The following VAV3 variants were observed in gnomAD, a reference collection of about 807,000 sequenced individuals.
VAV3 encodes guanine nucleotide exchange factor VAV3.
In VAV3, 94 loss-of-function variants were observed where a neutral mutation model predicts 131.2. That is an observed-to-expected ratio of 0.72 (90% CI 0.61 to 0.85). The LOEUF (loss-of-function observed/expected upper bound fraction) is 0.85, where lower values mean the gene tolerates loss of function less well. Ranked by LOEUF, VAV3 falls within the 40% of genes least tolerant of loss-of-function variation. The probability of loss-of-function intolerance (pLI) is 0.00; values close to 1 mark genes in which losing one functional copy is unlikely to be tolerated. For synonymous variants in VAV3, 349 were observed against 342.0 expected, an observed-to-expected ratio of 1.02 and a Z score of -0.22; for missense variants, 939 against 1,002.7, an observed-to-expected ratio of 0.94 and a Z score of 0.86.
chr1:107,671,919 A>G lies in VAV3; in HGVS notation c.1777+11569T>C, dbSNP rs1031821134. Among the ~76,000 whole-genome samples, 3 of 152,376 alleles carry G rather than the reference A, an allele frequency of 2.0e-5. No individual in the cohort carries two copies. The East Asian group carries it at 5.8e-4, about 29-fold the overall frequency. Reference sequence around the variant, plus strand: ...AATTTTAGCAAGCTATGTGTATAATAAAGCACAAAACAAAAAGTACACAAT... The same window carrying G: ...AATTTTAGCAAGCTATGTGTATAATGAAGCACAAAACAAAAAGTACACAAT... On this transcript the variant is annotated intron_variant, in intron 19 of 26. Coordinates refer to ENST00000370056, the MANE Select transcript of VAV3 (RefSeq NM_006113.5).
At chr1:107,612,305 C>G (rs1234095562) in intron 21 of VAV3, among the ~76,000 whole-genome samples, 1 of 151,884 alleles carries the variant, frequency 6.6e-6, no homozygotes, top group Non-Finnish European at 1.5e-5. Flanking sequence ...AATAAACTAT[C>G]ACGATTTCAT....
chr1:107,610,963 A>C (rs1557701811), intron 21 of VAV3, among the ~76,000 whole-genome samples: 1 of 152,150 alleles, frequency 6.6e-6, no homozygotes. Context: ...CAATGTGAAC[A>C]TGTCTCTAGC....
chr1:107,766,568 T>A lies in VAV3; in HGVS notation c.718-18A>T. The A allele has an allele frequency of 6.3e-7, 1 of 1,599,420 alleles. No individual in the cohort carries two copies. The highest frequency in any genetic ancestry group is 8.6e-7 in the Non-Finnish European group (1 of 1,168,818). ...ACAAGTTCCTAAGAAAAGAAAACAATGTGAAAGGAAAGTAGGAATAACAAC... is the reference window on the plus strand; with the variant it reads ...ACAAGTTCCTAAGAAAAGAAAACAAAGTGAAAGGAAAGTAGGAATAACAAC... On this transcript the variant is annotated intron_variant, in intron 7 of 26. Coordinates refer to ENST00000370056, the MANE Select transcript of VAV3 (RefSeq NM_006113.5).
intron 19 of VAV3, among the ~76,000 whole-genome samples, chr1:107,657,860 T>C (rs1046502402): frequency 2.0e-5 from 3 of 152,246 alleles, no homozygotes; most frequent in Non-Finnish European, 4.4e-5. Flanking sequence ...AAAAATGTTA[T>C]GTTCAACAAC....
intron 19 of VAV3, among the ~76,000 whole-genome samples, chr1:107,660,261 T>C (rs1656911159): frequency 1.3e-5 from 2 of 152,220 alleles, no homozygotes; most frequent in South Asian, 2.1e-4. Context: ...CGAGTACCAG[T>C]GGCAACAGTG....
At chr1:107,771,139 T>G (rs1665018663) in intron 5 of VAV3, among the ~76,000 whole-genome samples, 1 of 152,210 alleles carries the variant, frequency 6.6e-6, no homozygotes, top group African/African-American at 2.4e-5. Flanking sequence ...CATTAACATC[T>G]TACTGCTTGA....
intron 12 of VAV3, among the ~76,000 whole-genome samples, chr1:107,752,831 A>AC (rs1663820726): frequency 6.6e-6 from 1 of 152,146 alleles, no homozygotes; most frequent in South Asian, 2.1e-4. Context: ...AAAAACTGAA[A>AC]CCCTTGTGCA....
intron 18 of VAV3, among the ~76,000 whole-genome samples, chr1:107,688,003 T>C (rs952663232): frequency 6.6e-6 from 1 of 152,158 alleles, no homozygotes; most frequent in Non-Finnish European, 1.5e-5. Flanking sequence ...ACGTTAGAAT[T>C]TGCACTAATT....
chr1:107,831,062 G>C (rs1344025014), intron 2 of VAV3, among the ~76,000 whole-genome samples: 1 of 152,108 alleles, frequency 6.6e-6, no homozygotes, highest in East Asian at 1.9e-4. Flanking sequence ...CTTGGGACCA[G>C]AAGTGTTTTA....
chr1:107,714,186 G>A (rs918420729), intron 15 of VAV3, among the ~76,000 whole-genome samples: 1 of 152,036 alleles, frequency 6.6e-6, no homozygotes, highest in Non-Finnish European at 1.5e-5. Context: ...TGATGGACAG[G>A]AATCACTCTC....
chr1:107,811,126 T>C (rs550682084), intron 2 of VAV3, among the ~76,000 whole-genome samples: 22 of 152,260 alleles, frequency 1.4e-4, no homozygotes, highest in Middle Eastern at 6.8e-3. Flanking sequence ...ACAGAGAAGA[T>C]GAAAGAAATA....
At position 107,932,358 on chromosome 1, in the gene VAV3, C is replaced by G. The variant is rs561916192; in HGVS notation, c.204+32308G>C. Among the ~76,000 whole-genome samples the G allele has an allele frequency of 5.9e-5, 9 of 152,272 alleles. No homozygotes were observed. In the East Asian group the frequency reaches 1.7e-3, roughly 29 times the overall value. On this transcript the variant is annotated intron_variant, in intron 1 of 26. Coordinates refer to ENST00000370056, the MANE Select transcript of VAV3 (RefSeq NM_006113.5). ...CAGTCATGGAGAAACTGGCAGAAGT[C>G]CTCTGCCCAGGAGTGAGTGACATTA...
At chr1:107,929,396 A>G (rs1459810874) in intron 1 of VAV3, among the ~76,000 whole-genome samples, 5 of 152,128 alleles carry the variant, frequency 3.3e-5, no homozygotes, top group Non-Finnish European at 7.3e-5. Context: ...AAGCTAAGGA[A>G]TTTCATCAAC....
At chr1:107,714,461 A>G (rs1660973228) in intron 15 of VAV3, among the ~76,000 whole-genome samples, 1 of 152,136 alleles carries the variant, frequency 6.6e-6, no homozygotes, top group Non-Finnish European at 1.5e-5. Context: ...ATAAGATACA[A>G]TCTTAAAGCT....
chr1:107,900,490 C>T (rs1053664371), intron 1 of VAV3, among the ~76,000 whole-genome samples: 1 of 152,100 alleles, frequency 6.6e-6, no homozygotes, highest in Admixed American at 6.5e-5. Context: ...AAATGTTACA[C>T]CTTATAAAGT....
intron 19 of VAV3, among the ~76,000 whole-genome samples, chr1:107,652,774 CTTTTA>C (rs1314800554): frequency 6.6e-6 from 1 of 152,054 alleles, no homozygotes; most frequent in East Asian, 1.9e-4. Flanking sequence ...TTTTAAACTA[CTTTTA>C]TTTATTTGTG....
intron 1 of VAV3, among the ~76,000 whole-genome samples, chr1:107,899,908 C>G (rs1200489329): frequency 6.6e-6 from 1 of 152,144 alleles, no homozygotes; most frequent in Non-Finnish European, 1.5e-5. Context: ...AGCTGGGTGG[C>G]TCTTTAGTTT....
chr1:107,763,106 A>C (rs1045298060), intron 9 of VAV3, among the ~76,000 whole-genome samples: 4 of 152,244 alleles, frequency 2.6e-5, no homozygotes, highest in African/African-American at 9.6e-5. Flanking sequence ...TCCTTCTATC[A>C]TGCTGGGGCT....
chr1:107,768,976 G>A (rs1664890221), intron 6 of VAV3, among the ~76,000 whole-genome samples: 1 of 152,148 alleles, frequency 6.6e-6, no homozygotes, highest in Admixed American at 6.5e-5. Flanking sequence ...GGCATTCTCA[G>A]TATCTGTGCA....
Sources: allele counts gnomAD v4.1 joint callset (sites outside exome capture counted in the v4.1 genomes callset), GRCh38; gene constraint gnomAD v4.1.1; transcripts MANE v1.5; gene names NCBI Gene and HGNC (gene_info 2026-07-23, HGNC 2026-07-21).